Variants in EYA1 observed in about 807,000 individuals in gnomAD.
EYA1 encodes the protein protein phosphatase EYA1.
In EYA1, 16 loss-of-function variants were observed where a neutral mutation model predicts 82.0. The observed-to-expected ratio is 0.20, with a 90% CI of 0.13 to 0.30. EYA1 has a LOEUF of 0.30. Ranked by LOEUF, EYA1 falls within the 10% of genes least tolerant of loss-of-function variation. The probability of loss-of-function intolerance (pLI) is 1.00; values close to 1 mark genes in which losing one functional copy is unlikely to be tolerated. For synonymous variants in EYA1, 261 were observed against 264.4 expected (o/e 0.99, Z 0.12); for missense variants, 633 against 730.7 (o/e 0.87, Z 1.54).
At chr8:71,302,537 T>C (rs1471546173) in intron 7 of EYA1, among the ~76,000 whole-genome samples, 1 of 100,900 alleles carries the variant, frequency 9.9e-6, no homozygotes, top group East Asian at 2.9e-4. Flanking sequence ...CCATTTAGTA[T>C]GCCGAAACAG....
At chr8:71,422,479 A>G (rs1831196904) in intron 2 of EYA1, among the ~76,000 whole-genome samples, 1 of 152,170 alleles carries the variant, frequency 6.6e-6, no homozygotes, top group South Asian at 2.1e-4. Context: ...ATGTGTTCAT[A>G]ATTAGGGTAT....
intron 2 of EYA1, among the ~76,000 whole-genome samples, chr8:71,485,537 A>G (rs778083690): frequency 4.6e-5 from 7 of 152,194 alleles, no homozygotes; most frequent in Non-Finnish European, 1.0e-4. Context: ...CAGATTTTAC[A>G]AGAATAAAAG....
At chr8:71,508,431 G>A (rs1318171880) in intron 2 of EYA1, among the ~76,000 whole-genome samples, 1 of 152,086 alleles carries the variant, frequency 6.6e-6, no homozygotes, top group Non-Finnish European at 1.5e-5. Flanking sequence ...ACAACACCAA[G>A]CCCAGCTACA....
intron 2 of EYA1, among the ~76,000 whole-genome samples, chr8:71,504,606 T>C (rs778948031): frequency 9.2e-5 from 14 of 152,186 alleles, no homozygotes; most frequent in Non-Finnish European, 1.9e-4. Flanking sequence ...AGGACTTACT[T>C]TCATATTAGC....
In EYA1 at chr8:71,400,917, G is replaced by A. The variant is rs112941609; in HGVS notation, c.34-44406C>T. Among the ~76,000 whole-genome samples the A allele has an allele frequency of 2.1e-3, 324 of 152,226 alleles. 1 individual carries two copies. The highest frequency in any genetic ancestry group is 7.2e-3 in the African/African-American group (299 of 41,530). On this transcript the variant is annotated intron_variant, in intron 2 of 18. Coordinates refer to the EYA1 transcript ENST00000643681. ...CCCATCAATGATAGAATGGATAAAG[G>A]AAATGTGGTACGTATACACCATGGA... is the stretch of plus-strand genomic sequence containing the variant.
At chr8:71,375,210 C>T (rs1012948924) in intron 2 of EYA1, among the ~76,000 whole-genome samples, 1 of 151,882 alleles carries the variant, frequency 6.6e-6, no homozygotes, top group Admixed American at 6.6e-5. Flanking sequence ...TTGACTACAG[C>T]AATAATTTCA....
At chr8:71,276,981 G>GA (rs1387087710) in intron 9 of EYA1, among the ~76,000 whole-genome samples, 4 of 152,022 alleles carry the variant, frequency 2.6e-5, no homozygotes, top group African/African-American at 2.4e-5. Flanking sequence ...TTAGCTAACT[G>GA]AAAAAAGTGT....
rs753902237 is a variant in EYA1 at position 71,216,867 on chromosome 8, G to C, written c.1200-15C>G. The stretch of plus-strand genomic sequence containing the variant: ...AGTTATATGTGCTATTTATATGCAA[G>C]AAAAGCCCAAAGTTAGCCGAACAGA... On this transcript the variant is annotated splice_polypyrimidine_tract_variant and intron_variant, in intron 13 of 17. Coordinates refer to ENST00000340726, the MANE Select transcript of EYA1 (RefSeq NM_000503.6). 1.9e-6 allele frequency: 3 copies of C among 1,614,078 alleles called. No homozygotes were observed. The highest frequency in any genetic ancestry group is 2.5e-6 in the Non-Finnish European group (3 of 1,179,972).
At chr8:71,486,006 A>G (rs1810542879) in intron 2 of EYA1, among the ~76,000 whole-genome samples, 1 of 152,202 alleles carries the variant, frequency 6.6e-6, no homozygotes, top group Admixed American at 6.5e-5. Flanking sequence ...TCAGAAATAG[A>G]GTTTAATTAG....
chr8:71,509,693 G>A lies in EYA1; in HGVS notation c.33+26051C>T, dbSNP rs535964609. 9.9e-5 allele frequency among the ~76,000 whole-genome samples: 15 copies of A among 152,156 alleles called. No individual in the cohort carries two copies. The South Asian group carries it at 2.3e-3, about 23-fold the overall frequency. The stretch of plus-strand genomic sequence containing the variant: ...ATATAAAAAGAAAATATTTTTACAC[G>A]CTTCAGTAAGGATGTGTCTACAAAT... On this transcript the variant is annotated intron_variant, in intron 2 of 18. Transcript: ENST00000643681.
intron 2 of EYA1, among the ~76,000 whole-genome samples, chr8:71,409,918 C>A (rs1180904068): frequency 1.5e-5 from 2 of 132,508 alleles, no homozygotes; most frequent in Admixed American, 7.7e-5. Flanking sequence ...AGAGACACAA[C>A]CAAAAAAGAG....
intron 3 of EYA1, among the ~76,000 whole-genome samples, chr8:71,342,826 T>C (rs1027053705): frequency 2.0e-5 from 3 of 152,204 alleles, no homozygotes; most frequent in Non-Finnish European, 2.9e-5. Context: ...TTATTTGGTA[T>C]ATTACCTTTT....
chr8:71,322,305 A>T lies in EYA1; in HGVS notation c.203-37T>A, dbSNP rs763860886. 3 of 1,557,610 alleles carry T rather than the reference A, an allele frequency of 1.9e-6. No individual in the cohort carries two copies. In the African/African-American group the frequency reaches 4.1e-5, roughly 21 times the overall value. On this transcript the variant is annotated intron_variant, in intron 4 of 17. Coordinates refer to ENST00000340726, the MANE Select transcript of EYA1 (RefSeq NM_000503.6). ...AAACAAAACAAAATAATGCACAATA[A>T]TCCAAGCAAAACACAAAATATATAG...
chr8:71,359,765 A>C (rs1208660288), intron 1 of EYA1, among the ~76,000 whole-genome samples: 1 of 152,196 alleles, frequency 6.6e-6, no homozygotes, highest in African/African-American at 2.4e-5. Context: ...AGAAATTTTC[A>C]AAGTGAAAGT....
At chr8:71,359,503 G>C (rs947638047) in intron 1 of EYA1, among the ~76,000 whole-genome samples, 2 of 152,060 alleles carry the variant, frequency 1.3e-5, no homozygotes, top group Non-Finnish European at 2.9e-5. Context: ...CATGACTTTT[G>C]CACTGTTTAT....
chr8:71,446,102 T>C (rs1178915581), intron 2 of EYA1, among the ~76,000 whole-genome samples: 1 of 152,194 alleles, frequency 6.6e-6, no homozygotes, highest in Non-Finnish European at 1.5e-5. Context: ...AACATTTAAA[T>C]ACATATTTTG....
At chr8:71,386,537 C>T (rs957371257) in intron 2 of EYA1, among the ~76,000 whole-genome samples, 2 of 150,234 alleles carry the variant, frequency 1.3e-5, no homozygotes, top group East Asian at 1.9e-4. Context: ...GTGAACAGCA[C>T]TTGTGGGCCA....
chr8:71,468,966 A>T (rs1808977391), intron 2 of EYA1, among the ~76,000 whole-genome samples: 1 of 152,150 alleles, frequency 6.6e-6, no homozygotes, highest in Non-Finnish European at 1.5e-5. Flanking sequence ...TAAAGTTACC[A>T]AAGGCTACAT....
At chr8:71,486,838 G>A (rs1381897064) in intron 2 of EYA1, among the ~76,000 whole-genome samples, 1 of 151,784 alleles carries the variant, frequency 6.6e-6, no homozygotes, top group Non-Finnish European at 1.5e-5. Context: ...ATGAATATTA[G>A]AGATCCCAGC....
Sources: gnomAD v4.1 joint callset for allele counts (sites outside exome capture counted in the v4.1 genomes callset) on GRCh38, gnomAD v4.1.1 for gene constraint, MANE v1.5 for transcripts, NCBI Gene and HGNC (gene_info 2026-07-23, HGNC 2026-07-21) for gene names.